Variants in INSYN2B observed in about 807,000 individuals in gnomAD.
INSYN2B encodes the protein inhibitory synaptic factor family member 2B.
In INSYN2B, 16 loss-of-function variants were observed where a neutral mutation model predicts 41.2. That is an observed-to-expected ratio of 0.39 (90% CI 0.26 to 0.59). INSYN2B has a LOEUF of 0.59. Among genes scored for constraint, INSYN2B ranks in the 20% least tolerant of loss-of-function variants. INSYN2B has a pLI of 0.57. For missense variants in INSYN2B, 608 were observed against 646.4 expected (o/e 0.94, Z 0.64); for synonymous variants, 245 against 244.4 (o/e 1.00, Z -0.02).
intron 1 of INSYN2B, among the ~76,000 whole-genome samples, chr5:169,943,526 A>G (rs1776324374): frequency 6.6e-6 from 1 of 152,188 alleles, no homozygotes; most frequent in Admixed American, 6.5e-5. Flanking sequence ...TTCCCATACA[A>G]GTCCATCCCA....
intron 1 of INSYN2B, among the ~76,000 whole-genome samples, chr5:169,898,210 C>T (rs926022352): frequency 3.3e-5 from 5 of 152,142 alleles, no homozygotes; most frequent in African/African-American, 7.2e-5. Flanking sequence ...GGGGCTCCCA[C>T]AGCTCTACCC....
At chr5:169,897,151 T>C (rs1773656208) in intron 1 of INSYN2B, among the ~76,000 whole-genome samples, 1 of 151,914 alleles carries the variant, frequency 6.6e-6, no homozygotes, top group Non-Finnish European at 1.5e-5. Context: ...CCTTATGAGA[T>C]TTGGAAAGTA....
At chr5:169,879,013 A>T (rs1438130607) in intron 3 of INSYN2B, among the ~76,000 whole-genome samples, 1 of 152,148 alleles carries the variant, frequency 6.6e-6, no homozygotes, top group East Asian at 1.9e-4. Context: ...AGGCTTAGGG[A>T]GCAGAGAGAA....
chr5:169,937,571 A>G lies in INSYN2B; in HGVS notation c.-919+42706T>C, dbSNP rs139734150. Among the ~76,000 whole-genome samples the G allele has an allele frequency of 9.6e-3, 1,459 of 152,372 alleles. 20 individuals carry two copies. Among genetic ancestry groups the G allele is most frequent in the Non-Finnish European group, 0.014 (970 of 68,036 alleles). ...CATATATTGAGTACTTATATGTTCT[A>G]GACTCTGTGCTCAGTTCTTTATCTA... On this transcript the variant is annotated intron_variant, in intron 1 of 3. Coordinates refer to ENST00000377365, the MANE Select transcript of INSYN2B (RefSeq NM_001129891.3).
chr5:169,922,067 T>C (rs928959870), intron 1 of INSYN2B, among the ~76,000 whole-genome samples: 1 of 152,248 alleles, frequency 6.6e-6, no homozygotes, highest in East Asian at 1.9e-4. Context: ...TCTATTCTGC[T>C]CATTTCCTTT....
chr5:169,968,701 G>A (rs186739027), intron 1 of INSYN2B, among the ~76,000 whole-genome samples: 118 of 152,222 alleles, frequency 7.8e-4, no homozygotes, highest in Non-Finnish European at 1.5e-3. Context: ...TTTGACTCCC[G>A]CTAGTTATTA....
At chr5:169,964,688 C>A (rs1048039037) in intron 1 of INSYN2B, among the ~76,000 whole-genome samples, 1 of 152,260 alleles carries the variant, frequency 6.6e-6, no homozygotes, top group African/African-American at 2.4e-5. Context: ...GGTGATCAGG[C>A]TGGAGCTGCC....
rs375430965 is a variant in INSYN2B at position 169,951,512 on chromosome 5, A to G, written c.-919+28765T>C. On this transcript the variant is annotated intron_variant, in intron 1 of 3. Transcript: ENST00000377365. Reference sequence around the variant, plus strand: ...GAGCCTGCTGTGTGCTGCCTGCTCCATTCTGGAGGTTCAGAGTTGGAAGAC... The same window carrying G: ...GAGCCTGCTGTGTGCTGCCTGCTCCGTTCTGGAGGTTCAGAGTTGGAAGAC... 1.8e-3 allele frequency among the ~76,000 whole-genome samples: 279 copies of G among 152,304 alleles called. 6 individuals carry two copies. In the South Asian group the frequency reaches 0.048, roughly 26 times the overall value.
rs1237038438 is a variant in INSYN2B, at chr5:169,863,282, G to A, written c.*991C>T. Among the ~76,000 whole-genome samples the A allele has an allele frequency of 6.6e-6, 1 of 152,022 alleles. No homozygotes were observed. The highest frequency in any genetic ancestry group is 2.4e-5 in the African/African-American group (1 of 41,376). ...GGTCACCAGGAAGGGAGACTGTGTCGATTAATATATGTTTGAACCTATCTA... is the reference window on the plus strand; with the variant it reads ...GGTCACCAGGAAGGGAGACTGTGTCAATTAATATATGTTTGAACCTATCTA... On this transcript the variant is annotated 3_prime_UTR_variant, in exon 4 of 4. Coordinates refer to ENST00000377365, the MANE Select transcript of INSYN2B (RefSeq NM_001129891.3).
intron 3 of INSYN2B, among the ~76,000 whole-genome samples, chr5:169,879,033 T>C (rs1198453950): frequency 6.6e-6 from 1 of 152,104 alleles, no homozygotes; most frequent in Non-Finnish European, 1.5e-5. Context: ...AGGAGTTAGA[T>C]AGAACCAGAT....
chr5:169,894,366 C>T (rs1471100480), intron 1 of INSYN2B, among the ~76,000 whole-genome samples: 1 of 152,124 alleles, frequency 6.6e-6, no homozygotes, highest in African/African-American at 2.4e-5. Context: ...AGGATTGGCC[C>T]ACAGCATGAC....
intron 1 of INSYN2B, among the ~76,000 whole-genome samples, chr5:169,905,835 G>A (rs769136819): frequency 2.6e-5 from 4 of 152,216 alleles, no homozygotes; most frequent in Non-Finnish European, 4.4e-5. Context: ...TGGGGCAGAT[G>A]TAGCAGCCAG....
At position 169,866,219 on chromosome 5, in the gene INSYN2B, C is replaced by G. The variant is rs189301949; in HGVS notation, c.1422-1760G>C. ...GGCTTGCTTCTCCTCCACTTACATG[C>G]CTTCTCTTTCTGTTCTCTCTGGCCC... is the stretch of plus-strand genomic sequence containing the variant. On this transcript the variant is annotated intron_variant, in intron 3 of 3. Transcript: ENST00000377365. 6.9e-3 allele frequency among the ~76,000 whole-genome samples: 1,047 copies of G among 152,320 alleles called. 11 individuals are homozygous for G. Among genetic ancestry groups the G allele is most frequent in the African/African-American group, 0.024 (1,011 of 41,570 alleles).
At chr5:169,896,582 A>G (rs1773623719) in intron 1 of INSYN2B, among the ~76,000 whole-genome samples, 1 of 152,242 alleles carries the variant, frequency 6.6e-6, no homozygotes, top group African/African-American at 2.4e-5. Flanking sequence ...CTTTCAGAAA[A>G]GCGCCTGTCA....
chr5:169,878,371 T>G (rs1772448964), intron 3 of INSYN2B, among the ~76,000 whole-genome samples: 1 of 152,238 alleles, frequency 6.6e-6, no homozygotes, highest in Non-Finnish European at 1.5e-5. Flanking sequence ...AAACATGTTT[T>G]ATGTAAAACA....
intron 1 of INSYN2B, among the ~76,000 whole-genome samples, chr5:169,955,451 G>A (rs1210599453): frequency 6.6e-6 from 1 of 152,300 alleles, no homozygotes; most frequent in Non-Finnish European, 1.5e-5. Context: ...GACAGTACGT[G>A]CTGTCACTCT....
At chr5:169,951,596 A>G in intron 1 of INSYN2B, among the ~76,000 whole-genome samples, 1 of 152,204 alleles carries the variant, frequency 6.6e-6, no homozygotes, top group East Asian at 1.9e-4. Flanking sequence ...CATTCAACAG[A>G]TAGTTATCAA....
rs976383521 is a variant in INSYN2B, at chr5:169,948,853, C to T, written c.-919+31424G>A. On this transcript the variant is annotated intron_variant, in intron 1 of 3. Transcript: ENST00000377365. ...TCTCTTTTTTTTTTCTTCAGCTCCCCAGTGACTGGCACCTGGTCATTCGTC... is the reference window on the plus strand; with the variant it reads ...TCTCTTTTTTTTTTCTTCAGCTCCCTAGTGACTGGCACCTGGTCATTCGTC... Among the ~76,000 whole-genome samples, 3 of 152,044 alleles carry T rather than the reference C, an allele frequency of 2.0e-5. No individual in the cohort carries two copies. The South Asian group carries it at 6.2e-4, about 32-fold the overall frequency.
At chr5:169,945,379 A>C (rs1776404900) in intron 1 of INSYN2B, among the ~76,000 whole-genome samples, 1 of 152,260 alleles carries the variant, frequency 6.6e-6, no homozygotes, top group South Asian at 2.1e-4. Context: ...ACTGGAACAA[A>C]TTTGAACTCT....
Sources: allele counts gnomAD v4.1 joint callset (sites outside exome capture counted in the v4.1 genomes callset), GRCh38; gene constraint gnomAD v4.1.1; transcripts MANE v1.5; gene names NCBI Gene and HGNC (gene_info 2026-07-23, HGNC 2026-07-21).